Variants in ZNF638 observed in about 807,000 individuals in gnomAD.
ZNF638 encodes the protein CTCL tumor antigen se33-1.
Under a neutral mutation model 195.6 loss-of-function variants are expected in ZNF638, and 46 were observed. That is an observed-to-expected ratio of 0.24 (90% CI 0.19 to 0.30). The LOEUF is 0.30. Among genes scored for constraint, ZNF638 ranks in the 10% least tolerant of loss-of-function variants. The probability of loss-of-function intolerance (pLI) is 1.00; values close to 1 mark genes in which losing one functional copy is unlikely to be tolerated. For missense variants in ZNF638, 2,440 were observed against 2,325.3 expected, an observed-to-expected ratio of 1.05 and a Z score of -1.01; for synonymous variants, 845 against 772.0, an observed-to-expected ratio of 1.09 and a Z score of -1.57.
intron 17 of ZNF638, among the ~76,000 whole-genome samples, chr2:71,405,344 C>A (rs2080085545): frequency 6.6e-6 from 1 of 152,086 alleles, no homozygotes; most frequent in Admixed American, 6.6e-5. Flanking sequence ...ATTTGAATGT[C>A]TTTTCTAAAT....
chr2:71,420,002 T>G (rs1238459898), intron 21 of ZNF638, among the ~76,000 whole-genome samples: 1 of 126,838 alleles, frequency 7.9e-6, no homozygotes, highest in Non-Finnish European at 1.7e-5. Context: ...TTTTTTTTTT[T>G]TAACATTAGA....
chr2:71,342,850 C>T (rs1451931393), intron 1 of ZNF638, among the ~76,000 whole-genome samples: 1 of 151,914 alleles, frequency 6.6e-6, no homozygotes, highest in Non-Finnish European at 1.5e-5. Flanking sequence ...CCTGAGGGTG[C>T]GAAGACTAAT....
intron 10 of ZNF638, chr2:71,393,704 C>T (rs1024984047): frequency 4.2e-5 from 29 of 690,210 alleles, no homozygotes; most frequent in Non-Finnish European, 7.0e-5. Flanking sequence ...CAACCCGTAC[C>T]GGCTACACTC....
intron 8 of ZNF638, chr2:71,379,432 T>C (rs1200286783): frequency 6.6e-6 from 1 of 152,240 alleles, no homozygotes; most frequent in Admixed American, 6.5e-5. Context: ...CCACATTTTA[T>C]ATGCTACCTG....
intron 10 of ZNF638, chr2:71,395,721 G>GGCC (rs2079879205): frequency 1.2e-5 from 5 of 417,248 alleles, no homozygotes; most frequent in Non-Finnish European, 1.8e-5. Context: ...GTGTCTCTAA[G>GGCC]GCCGAACAGT....
Position 71,434,836 on chromosome 2 carries a change from A to G in ZNF638, c.*29A>G. ...GGGGAAAGGAAAGAATTCACTAGAA[A>G]TTTGTTTAGGGTCCAGTTGATTTGT... On this transcript the variant is annotated 3_prime_UTR_variant, in exon 28 of 28. Coordinates refer to ENST00000264447, the MANE Select transcript of ZNF638 (RefSeq NM_014497.5). 5 of 1,565,766 alleles carry G rather than the reference A, an allele frequency of 3.2e-6. No homozygotes were observed. The highest frequency in any genetic ancestry group is 4.3e-6 in the Non-Finnish European group (5 of 1,156,670).
Position 71,419,744 on chromosome 2 carries a change from T to A in ZNF638, c.3299+1105T>A, listed in dbSNP as rs375051507. The stretch of plus-strand genomic sequence containing the variant: ...TATATAGACCTAAAGATTGGCCACG[T>A]TAACTCTGTGGCAAAACCCATTTTA... On this transcript the variant is annotated intron_variant, in intron 21 of 27. Transcript: ENST00000264447. Among the ~76,000 whole-genome samples the A allele has an allele frequency of 3.9e-5, 6 of 152,150 alleles. No homozygotes were observed. In the South Asian group the frequency reaches 8.3e-4, roughly 21 times the overall value.
chr2:71,409,527 G>C (rs2080169758), intron 20 of ZNF638, among the ~76,000 whole-genome samples: 1 of 152,106 alleles, frequency 6.6e-6, no homozygotes, highest in Non-Finnish European at 1.5e-5. Context: ...TTATAAAGAA[G>C]GCAATATGTG....
intron 23 of ZNF638, among the ~76,000 whole-genome samples, chr2:71,425,731 G>A (rs952174460): frequency 3.3e-5 from 5 of 152,032 alleles, no homozygotes; most frequent in African/African-American, 1.2e-4. Context: ...GTGCAATGGC[G>A]TGATCTCGGC....
chr2:71,378,312 GA>G, intron 8 of ZNF638, among the ~76,000 whole-genome samples: 1 of 152,246 alleles, frequency 6.6e-6, no homozygotes, highest in East Asian at 1.9e-4. Context: ...TTTTAAAATT[GA>G]AAATTACCAT....
intron 6 of ZNF638, among the ~76,000 whole-genome samples, chr2:71,366,932 G>A (rs1240708500): frequency 6.6e-6 from 1 of 151,974 alleles, no homozygotes; most frequent in Non-Finnish European, 1.5e-5. Context: ...ATCCTAATAG[G>A]CCCAATATCA....
At chr2:71,340,784 A>G (rs1384099122) in intron 1 of ZNF638, among the ~76,000 whole-genome samples, 1 of 152,202 alleles carries the variant, frequency 6.6e-6, no homozygotes, top group Admixed American at 6.5e-5. Flanking sequence ...TGGAAAGAAC[A>G]CCAATGGGAG....
intron 10 of ZNF638, among the ~76,000 whole-genome samples, chr2:71,386,723 G>A (rs2079648337): frequency 6.6e-6 from 1 of 152,060 alleles, no homozygotes; most frequent in African/African-American, 2.4e-5. Context: ...ATATTAAATA[G>A]TCCATTTATA....
chr2:71,341,052 G>T (rs189290343), intron 1 of ZNF638, among the ~76,000 whole-genome samples: 13 of 152,234 alleles, frequency 8.5e-5, no homozygotes, highest in African/African-American at 2.9e-4. Flanking sequence ...AAAATTAAGG[G>T]CTCCCTTCCT....
chr2:71,424,420 T>C (rs1573168127), intron 22 of ZNF638, among the ~76,000 whole-genome samples: 1 of 152,176 alleles, frequency 6.6e-6, no homozygotes, highest in Admixed American at 6.5e-5. Context: ...TAACTAGACA[T>C]TGTGGGACGA....
intron 10 of ZNF638, among the ~76,000 whole-genome samples, chr2:71,382,890 A>T (rs994286596): frequency 6.6e-6 from 1 of 152,244 alleles, no homozygotes; most frequent in East Asian, 1.9e-4. Flanking sequence ...AGACAGACCT[A>T]CTAACATAAT....
rs555650084 is a variant in ZNF638 at position 71,380,165 on chromosome 2, A to G, written c.2266-57A>G. 9.6e-6 allele frequency: 10 copies of G among 1,036,568 alleles called. No homozygotes were observed. In the East Asian group the frequency reaches 2.2e-4, roughly 23 times the overall value. The allele number at this position is 1,036,568 out of a possible 1,614,324, so 64.2% of individuals were successfully genotyped here. Reference sequence around the variant, plus strand: ...GGAAGATTTTAGATTTTTGTTCTATATTTTCTAAATTGCTTTATACTAAAT... The same window carrying G: ...GGAAGATTTTAGATTTTTGTTCTATGTTTTCTAAATTGCTTTATACTAAAT... On this transcript the variant is annotated intron_variant, in intron 8 of 27. Coordinates refer to ENST00000264447, the MANE Select transcript of ZNF638 (RefSeq NM_014497.5).
chr2:71,392,311 C>G (rs1276649477), intron 10 of ZNF638, among the ~76,000 whole-genome samples: 1 of 152,156 alleles, frequency 6.6e-6, no homozygotes, highest in Non-Finnish European at 1.5e-5. Flanking sequence ...ACTGATGGCT[C>G]TGGTAAAAAT....
intron 25 of ZNF638, 28 bp from the exon 26 acceptor site, chr2:71,431,299 A>G (rs368730530): frequency 9.5e-6 from 15 of 1,578,280 alleles, no homozygotes; most frequent in Non-Finnish European, 1.3e-5. Flanking sequence ...TCTATTCTGA[A>G]TAGCTTTTTT....
Sources: allele counts gnomAD v4.1 joint callset (sites outside exome capture counted in the v4.1 genomes callset), GRCh38; gene constraint gnomAD v4.1.1; transcripts MANE v1.5; gene names NCBI Gene and HGNC (gene_info 2026-07-23, HGNC 2026-07-21).